Variants in PUDP observed in about 807,000 individuals in gnomAD.
PUDP encodes pseudouridine-5'-phosphatase.
A neutral mutation model predicts 9.4 loss-of-function variants in PUDP; 8 were observed. That is an observed-to-expected ratio of 0.85 (90% CI 0.50 to 1.53). The LOEUF (loss-of-function observed/expected upper bound fraction) is 1.53, where lower values mean the gene tolerates loss of function less well. Ranked by LOEUF, PUDP falls within the 40% of genes most tolerant of loss-of-function variation. The pLI, the probability that PUDP is intolerant of heterozygous loss-of-function variation, is 0.00. For missense variants in PUDP, 188 were observed against 189.7 expected (o/e 0.99, Z 0.05); for synonymous variants, 99 against 80.7 (o/e 1.23, Z -1.22).
intron 3 of PUDP, among the ~76,000 whole-genome samples, chrX:6,749,976 G>A (rs1415540030): frequency 2.7e-5 from 3 of 112,258 alleles, no homozygotes; most frequent in Non-Finnish European, 5.6e-5. Context: ...ACTGGAGGAT[G>A]ACAGAAACCA....
intron 1 of PUDP, among the ~76,000 whole-genome samples, chrX:7,016,005 G>A (rs774725375): frequency 2.2e-4 from 24 of 110,105 alleles, no homozygotes; most frequent in African/African-American, 8.0e-4. Flanking sequence ...TGGGGAAGAG[G>A]GATTCTAGTT....
chrX:6,799,705 T>C (rs1434066820), intron 3 of PUDP, among the ~76,000 whole-genome samples: 1 of 111,232 alleles, frequency 9.0e-6, no homozygotes, highest in Non-Finnish European at 1.9e-5. Context: ...GACGTGGTGG[T>C]GCATGCCTGT....
At chrX:6,925,431 G>A (rs1247550000) in intron 3 of PUDP, among the ~76,000 whole-genome samples, 6 of 112,046 alleles carry the variant, frequency 5.4e-5, no homozygotes, top group Non-Finnish European at 9.4e-5. Flanking sequence ...TGCAGTGACA[G>A]GGTTTGGTTT....
At chrX:6,866,577 T>A (rs1375960087) in intron 3 of PUDP, among the ~76,000 whole-genome samples, 2 of 111,183 alleles carry the variant, frequency 1.8e-5, no homozygotes, top group East Asian at 5.7e-4. Context: ...CAATTTGAGA[T>A]TTGCCTTAGG....
intron 3 of PUDP, among the ~76,000 whole-genome samples, chrX:6,811,920 G>A (rs1926150840): frequency 8.9e-6 from 1 of 112,652 alleles, no homozygotes; most frequent in African/African-American, 3.2e-5. Flanking sequence ...TTCAGATGTA[G>A]AAAGAAAGAA....
At chrX:6,856,091 C>T (rs1388102023) in intron 3 of PUDP, among the ~76,000 whole-genome samples, 1 of 111,484 alleles carries the variant, frequency 9.0e-6, no homozygotes, top group Non-Finnish European at 1.9e-5. Flanking sequence ...TGAAGATAAA[C>T]TTGTCTACTT....
intron 3 of PUDP, among the ~76,000 whole-genome samples, chrX:6,924,903 C>T (rs1354049043): frequency 2.7e-5 from 3 of 112,489 alleles, no homozygotes; most frequent in Non-Finnish European, 3.7e-5. Flanking sequence ...TTTGGCTATG[C>T]GCATCTCAGA....
chrX:6,802,771 G>A (rs1442413895), intron 3 of PUDP, among the ~76,000 whole-genome samples: 1 of 108,991 alleles, frequency 9.2e-6, no homozygotes, highest in Non-Finnish European at 1.9e-5. Flanking sequence ...TGTAATCCCA[G>A]CTAATCCAGA....
intron 1 of PUDP, among the ~76,000 whole-genome samples, chrX:7,006,734 AG>A (rs1224938186): frequency 9.0e-6 from 1 of 111,450 alleles, no homozygotes; most frequent in Admixed American, 9.5e-5. Context: ...AGGGTCCAGG[AG>A]CAAGAACATG....
chrX:6,775,669 T>C (rs1925445269), intron 3 of PUDP, among the ~76,000 whole-genome samples: 1 of 111,211 alleles, frequency 9.0e-6, no homozygotes. Flanking sequence ...ACTTAGATCT[T>C]TGGGACATGA....
intron 3 of PUDP, among the ~76,000 whole-genome samples, chrX:6,751,353 C>T (rs926216168): frequency 5.4e-5 from 6 of 111,242 alleles, no homozygotes; most frequent in Non-Finnish European, 9.4e-5. Flanking sequence ...AGGTAACTTG[C>T]TTGACAATTC....
intron 1 of PUDP, among the ~76,000 whole-genome samples, chrX:7,108,839 T>C (rs764427371): frequency 5.2e-4 from 58 of 111,913 alleles, no homozygotes; most frequent in African/African-American, 1.9e-3. Context: ...GGCATGAGCC[T>C]CTGCGCCTGG....
chrX:7,056,615 C>T (rs1296526666), intron 3 of PUDP, among the ~76,000 whole-genome samples: 2 of 111,456 alleles, frequency 1.8e-5, no homozygotes, highest in Non-Finnish European at 3.8e-5. Context: ...GCCTACATAT[C>T]GGCTGTAACT....
chrX:6,966,272 C>G (rs1928782946), intron 3 of PUDP, among the ~76,000 whole-genome samples: 1 of 77,478 alleles, frequency 1.3e-5, no homozygotes, highest in Non-Finnish European at 2.5e-5. Flanking sequence ...GTTTTGTATA[C>G]CACATCATAC....
At chrX:6,755,906 G>C (rs1925163680) in intron 3 of PUDP, among the ~76,000 whole-genome samples, 1 of 111,084 alleles carries the variant, frequency 9.0e-6, no homozygotes, top group African/African-American at 3.3e-5. Flanking sequence ...TACGACTAAA[G>C]AGAGCTTTCC....
intron 3 of PUDP, among the ~76,000 whole-genome samples, chrX:6,854,519 C>A (rs1460580077): frequency 8.9e-6 from 1 of 111,757 alleles, no homozygotes; most frequent in Admixed American, 9.5e-5. Context: ...CCCGTTTAGT[C>A]AAAAATTCAA....
intron 3 of PUDP, among the ~76,000 whole-genome samples, chrX:6,964,910 A>C (rs1482421937): frequency 9.0e-6 from 1 of 111,479 alleles, no homozygotes; most frequent in Non-Finnish European, 1.9e-5. Flanking sequence ...TACCATCTCA[A>C]TTCGTAAGAA....
chrX:7,022,470 GGTTGGTCTCA>G (rs1318884775), intron 1 of PUDP, among the ~76,000 whole-genome samples: 1 of 111,702 alleles, frequency 9.0e-6, no homozygotes, highest in Non-Finnish European at 1.9e-5. Flanking sequence ...CCTCTGTAGA[GGTTGGTCTCA>G]TTTTTAATCA....
At chrX:6,890,098 G>C (rs1348834760) in intron 3 of PUDP, among the ~76,000 whole-genome samples, 1 of 111,830 alleles carries the variant, frequency 8.9e-6, no homozygotes, top group Non-Finnish European at 1.9e-5. Flanking sequence ...AATATGGCAT[G>C]CATGTCAGAG....
Sources: gnomAD v4.1 joint callset for allele counts (sites outside exome capture counted in the v4.1 genomes callset) on GRCh38, gnomAD v4.1.1 for gene constraint, MANE v1.5 for transcripts, NCBI Gene and HGNC (gene_info 2026-07-23, HGNC 2026-07-21) for gene names.